Variants in GDPD1 observed in about 807,000 individuals in gnomAD.
GDPD1 encodes the protein glycerophosphodiester phosphodiesterase domain containing 1, also known as lysophospholipase D GDPD1.
GDPD1 carries 28 observed loss-of-function variants against 45.1 expected under a neutral mutation model. The ratio of observed to expected loss-of-function variants is 0.62; its 90% CI spans 0.46 to 0.85. The LOEUF is 0.85. Ranked by LOEUF, GDPD1 falls within the 40% of genes least tolerant of loss-of-function variation. GDPD1 has a pLI of 0.00. For synonymous variants in GDPD1, 139 were observed against 131.4 expected (o/e 1.06, Z -0.40); for missense variants, 256 against 364.8 (o/e 0.70, Z 2.43).
chr17:59,247,110 G>A (rs908531042), intron 3 of GDPD1, among the ~76,000 whole-genome samples: 4 of 152,012 alleles, frequency 2.6e-5, no homozygotes, highest in South Asian at 2.1e-4. Flanking sequence ...TTTTAGAGAC[G>A]TCTGGGTTTA....
Position 59,230,809 on chromosome 17 carries a change from T to C in GDPD1, c.143-3683T>C, listed in dbSNP as rs78307352. On this transcript the variant is annotated intron_variant, in intron 1 of 9. Transcript: ENST00000284116. ...TTGCCAGGGTCATTGCTGTTGAAAA[T>C]CTGACACAAGAACAAGTCTATAATC... Among the ~76,000 whole-genome samples the C allele has an allele frequency of 7.6e-4, 116 of 152,240 alleles. No homozygotes were observed. The East Asian group carries it at 9.7e-3, about 13-fold the overall frequency.
At chr17:59,270,385 G>T (rs529998121) in intron 7 of GDPD1, among the ~76,000 whole-genome samples, 3 of 151,620 alleles carry the variant, frequency 2.0e-5, no homozygotes, top group Admixed American at 6.6e-5. Flanking sequence ...GTAGAGACGG[G>T]GGGGGGTTTC....
chr17:59,227,137 C>T lies in GDPD1; in HGVS notation c.142+6386C>T, dbSNP rs377206452. On this transcript the variant is annotated intron_variant, in intron 1 of 9. Coordinates refer to ENST00000284116, the MANE Select transcript of GDPD1 (RefSeq NM_182569.4). Reference sequence around the variant, plus strand: ...ACACTGAAATGTTTTAGTTTTAAAACATTTTAAGCTGGTGATGGTGGCACA... The same window carrying T: ...ACACTGAAATGTTTTAGTTTTAAAATATTTTAAGCTGGTGATGGTGGCACA... Among the ~76,000 whole-genome samples the T allele has an allele frequency of 2.6e-4, 39 of 151,988 alleles. 2 individuals are homozygous for T. In the South Asian group the frequency reaches 6.4e-3, roughly 25 times the overall value.
At chr17:59,254,213 T>C (rs1310912377) in intron 4 of GDPD1, among the ~76,000 whole-genome samples, 1 of 151,656 alleles carries the variant, frequency 6.6e-6, no homozygotes, top group Non-Finnish European at 1.5e-5. Context: ...AATACAAAAT[T>C]AGCCAGGCGT....
chr17:59,255,854 C>CGT (rs2047302829), intron 4 of GDPD1, among the ~76,000 whole-genome samples: 1 of 81,952 alleles, frequency 1.2e-5, no homozygotes, highest in Non-Finnish European at 2.1e-5. Context: ...TATATATACA[C>CGT]ACGTATATAT....
chr17:59,264,085 G>A (rs1244453400), intron 6 of GDPD1, among the ~76,000 whole-genome samples: 3 of 152,102 alleles, frequency 2.0e-5, no homozygotes, highest in Non-Finnish European at 4.4e-5. Context: ...CGCAACCTCC[G>A]CCTGCTGGGT....
chr17:59,250,553 C>T (rs1047699056), intron 4 of GDPD1, among the ~76,000 whole-genome samples: 1 of 144,508 alleles, frequency 6.9e-6, no homozygotes, highest in Non-Finnish European at 1.5e-5. Context: ...GAGTTCAAGG[C>T]TACAGTGAGC....
At chr17:59,226,067 C>G (rs1226760052) in intron 1 of GDPD1, among the ~76,000 whole-genome samples, 1 of 152,126 alleles carries the variant, frequency 6.6e-6, no homozygotes, top group Non-Finnish European at 1.5e-5. Context: ...TGTTTACTAT[C>G]ATTATTTTGA....
rs186069286 is a variant in GDPD1 at position 59,246,919 on chromosome 17, C to A, written c.321+1370C>A. Among the ~76,000 whole-genome samples the A allele has an allele frequency of 5.1e-3, 769 of 151,250 alleles. 10 individuals carry two copies. The highest frequency in any genetic ancestry group is 0.018 in the African/African-American group (726 of 41,278). On this transcript the variant is annotated intron_variant, in intron 3 of 9. Transcript: ENST00000284116. ...AGTAGCTGGGATTACAGACATGCAC[C>A]ACCATGCCTGGCTAATTTTTGTATT...
rs748762189 is a variant in GDPD1, at chr17:59,257,812, A to T, written c.548A>T (p.Tyr183Phe). ...TTAACAGTGTGGGGTAATGCCAATT[A>T]TGAAATTGTAGAAAAGTGCTACAAA... ...EHLTVWGNAN[Y>F]EIVEKCYKEN... Residue 183 changes from tyrosine (Y) to phenylalanine (F), a missense_variant, in exon 6 of 10, where the codon TAT (tyrosine) becomes TTT (phenylalanine). Physicochemically the swap from Tyr to Phe is conservative, Grantham distance 22. Transcript: ENST00000284116. The T allele has an allele frequency of 1.2e-6, 2 of 1,603,908 alleles. No individual in the cohort carries two copies. The highest frequency in any genetic ancestry group is 1.7e-6 in the Non-Finnish European group (2 of 1,174,878).
intron 1 of GDPD1, among the ~76,000 whole-genome samples, chr17:59,226,741 T>A (rs545171352): frequency 6.6e-6 from 1 of 152,196 alleles, no homozygotes; most frequent in South Asian, 2.1e-4. Context: ...AGTGGCGCGA[T>A]CTCAGCTCAC....
chr17:59,230,717 AT>A (rs987948775), intron 1 of GDPD1, among the ~76,000 whole-genome samples: 5 of 152,038 alleles, frequency 3.3e-5, no homozygotes, highest in African/African-American at 1.2e-4. Context: ...ATGGCATTAC[AT>A]TTTTAAAGAT....
rs1376679164 is a variant in GDPD1, at chr17:59,220,526, A to AGCCGCC, written c.-73_-68dup. The AGCCGCC allele has an allele frequency of 1.4e-5, 21 of 1,478,154 alleles. No homozygotes were observed. The highest frequency in any genetic ancestry group is 1.2e-4 in the East Asian group (5 of 43,056). 91.6% of individuals were successfully genotyped at this position (1,478,154 alleles called of 1,614,324 possible). ...GGCTGGGGGCGAGCCGACCTCGAGC[A>AGCCGCC]GCCGCCGCCGCCGCCGTCGTTGCTA... On this transcript the variant is annotated 5_prime_UTR_variant, in exon 1 of 10. Transcript: ENST00000284116.
chr17:59,231,324 C>CTTTTTTTTT (rs557850341), intron 1 of GDPD1, among the ~76,000 whole-genome samples: 84 of 114,368 alleles, frequency 7.3e-4, no homozygotes, highest in African/African-American at 1.2e-3. Context: ...TTCTTTCTTT[C>CTTTTTTTTT]TTTTTTTTTT....
At chr17:59,235,770 T>C (rs984803951) in intron 2 of GDPD1, among the ~76,000 whole-genome samples, 1 of 150,936 alleles carries the variant, frequency 6.6e-6, no homozygotes, top group African/African-American at 2.4e-5. Flanking sequence ...TGAGCCGAGA[T>C]TGCACTGCTG....
chr17:59,237,727 A>G (rs2047143753), intron 2 of GDPD1, among the ~76,000 whole-genome samples: 1 of 152,078 alleles, frequency 6.6e-6, no homozygotes. Context: ...ATCAAAAGGT[A>G]TTAAGACTAG....
chr17:59,236,179 A>G (rs1171915882), intron 2 of GDPD1, among the ~76,000 whole-genome samples: 1 of 152,182 alleles, frequency 6.6e-6, no homozygotes, highest in Non-Finnish European at 1.5e-5. Flanking sequence ...TGGGTTATAC[A>G]ATAAGTTATT....
intron 8 of GDPD1, 138 bp from the exon 9 acceptor site, chr17:59,272,647 C>CTTG: frequency 1.6e-6 from 1 of 613,442 alleles, no homozygotes; most frequent in Non-Finnish European, 3.0e-6. Context: ...TAATTCACAA[C>CTTG]AGCTATTATT....
At chr17:59,230,370 ATTTTTTTTTTTTTT>A (rs942416287) in intron 1 of GDPD1, among the ~76,000 whole-genome samples, 6 of 80,072 alleles carry the variant, frequency 7.5e-5, no homozygotes, top group African/African-American at 2.7e-4. Flanking sequence ...CAGTTGTAGA[ATTTTTTTTTTTTTT>A]TTTTTTTTTT....
Sources: allele counts gnomAD v4.1 joint callset (sites outside exome capture counted in the v4.1 genomes callset), GRCh38; gene constraint gnomAD v4.1.1; transcripts MANE v1.5; gene names NCBI Gene and HGNC (gene_info 2026-07-23, HGNC 2026-07-21).